ZDHHC8: variants seen among roughly 807,000 people sequenced by gnomAD.
The protein encoded by ZDHHC8 is palmitoyltransferase ZDHHC8.
Under a neutral mutation model 61.2 loss-of-function variants are expected in ZDHHC8, and 24 were observed. That is an observed-to-expected ratio of 0.39 (90% CI 0.28 to 0.55). ZDHHC8 has a LOEUF of 0.55. Ranked by LOEUF, ZDHHC8 falls within the 20% of genes least tolerant of loss-of-function variation. The pLI, the probability that ZDHHC8 is intolerant of heterozygous loss-of-function variation, is 0.60. For synonymous variants in ZDHHC8, 523 were observed against 492.5 expected, an observed-to-expected ratio of 1.06 and a Z score of -0.82; for missense variants, 935 against 1,102.1, an observed-to-expected ratio of 0.85 and a Z score of 2.15.
In ZDHHC8 at chr22:20,146,419, A is replaced by G. The variant is rs542390168; in HGVS notation, c.*1019A>G. 6 of 983,922 alleles carry G rather than the reference A, an allele frequency of 6.1e-6. No individual in the cohort carries two copies. Among genetic ancestry groups the G allele is most frequent in the Non-Finnish European group, 7.2e-6 (6 of 828,510 alleles). The allele number at this position is 983,922 out of a possible 1,614,324, so 60.9% of individuals were successfully genotyped here. A position where few individuals can be genotyped will look rare whatever the true frequency, so the allele number is the denominator to read the frequency against. ...TTTATGTTTTTATATCTACATCTAT[A>G]TATCTATAATTTTATTAAAAAAAAG... On this transcript the variant is annotated 3_prime_UTR_variant, in exon 11 of 11. Transcript: ENST00000334554.
At chr22:20,138,212 A>G (rs1386123941) in intron 1 of ZDHHC8, among the ~76,000 whole-genome samples, 2 of 152,198 alleles carry the variant, frequency 1.3e-5, no homozygotes, top group Non-Finnish European at 2.9e-5. Flanking sequence ...GATCCCCACT[A>G]GCCCCCCGAC....
intron 1 of ZDHHC8, 123 bp from the exon 2 acceptor site, chr22:20,139,071 T>C: frequency 7.1e-7 from 1 of 1,407,326 alleles, no homozygotes; most frequent in Non-Finnish European, 9.5e-7. Flanking sequence ...TGTGGCAGCC[T>C]CCCCACTGCC....
At chr22:20,138,783 C>A (rs1387527572) in intron 1 of ZDHHC8, among the ~76,000 whole-genome samples, 1 of 152,156 alleles carries the variant, frequency 6.6e-6, no homozygotes, top group Non-Finnish European at 1.5e-5. Flanking sequence ...GGTGAGAGGC[C>A]CCACTGGGCC....
At chr22:20,132,728 C>T (rs994126027) in intron 1 of ZDHHC8, among the ~76,000 whole-genome samples, 1 of 152,224 alleles carries the variant, frequency 6.6e-6, no homozygotes, top group South Asian at 2.1e-4. Context: ...AGTGAGAGCC[C>T]GCGCCTGCAG....
At chr22:20,132,129 C>A in intron 1 of ZDHHC8, 78 bp downstream of exon 1, 1 of 963,604 alleles carries the variant, frequency 1.0e-6, no homozygotes, top group South Asian at 4.8e-5. Flanking sequence ...GGGCAGCGGT[C>A]GCGGGGGCTG....
rs1247187470 is a variant in ZDHHC8 at position 20,143,079 on chromosome 22, C to T, written c.1449C>T (p.Leu483=). The T allele has an allele frequency of 6.2e-7, 1 of 1,612,498 alleles. No individual in the cohort carries two copies. The highest frequency in any genetic ancestry group is 8.5e-7 in the Non-Finnish European group (1 of 1,179,860). ...GCAGCCTGTCCTATGACAGCCTGCTCAATCCTGGCTCGCCTGGTGGCCACG... is the reference window on the plus strand; with the variant it reads ...GCAGCCTGTCCTATGACAGCCTGCTTAATCCTGGCTCGCCTGGTGGCCACG... ...RNGSLSYDSL[L]NPGSPGGHAC... The change falls in exon 10 of 11, where the codon CTC becomes CTT. Residue 483 remains leucine, a synonymous_variant. Transcript: ENST00000334554.
At chr22:20,134,610 C>T (rs2050405124) in intron 1 of ZDHHC8, among the ~76,000 whole-genome samples, 1 of 152,224 alleles carries the variant, frequency 6.6e-6, no homozygotes, top group Non-Finnish European at 1.5e-5. Flanking sequence ...CGGACGTTAC[C>T]AGACAGTGAG....
Position 20,146,183 on chromosome 22 carries a change from G to A in ZDHHC8, c.*783G>A. ...AGGCACGGGGGTGATGCTGCCACAGGGGGCTGGTGACACCCAGAGCCCCCT... is the reference window on the plus strand; with the variant it reads ...AGGCACGGGGGTGATGCTGCCACAGAGGGCTGGTGACACCCAGAGCCCCCT... On this transcript the variant is annotated 3_prime_UTR_variant, in exon 11 of 11. Coordinates refer to ENST00000334554, the MANE Select transcript of ZDHHC8 (RefSeq NM_013373.4). 1.0e-6 allele frequency: 1 copy of A among 985,622 alleles called. No individual in the cohort carries two copies. The highest frequency in any genetic ancestry group is 1.7e-5 in the African/African-American group (1 of 57,346). 61.1% of individuals were successfully genotyped at this position (985,622 alleles called of 1,614,324 possible).
Position 20,147,009 on chromosome 22 carries a change from C to T in ZDHHC8, c.*1609C>T, listed in dbSNP as rs868374662. The T allele has an allele frequency of 1.5e-5, 21 of 1,401,052 alleles. No homozygotes were observed. The Middle Eastern group carries it at 1.5e-3, about 101-fold the overall frequency. 86.8% of individuals were successfully genotyped at this position (1,401,052 alleles called of 1,614,324 possible). On this transcript the variant is annotated 3_prime_UTR_variant, in exon 11 of 11. Coordinates refer to ENST00000334554, the MANE Select transcript of ZDHHC8 (RefSeq NM_013373.4). ...CTTTCTGCTTCTCTCTCACGGACGC[C>T]GCGGCCCGCAGGGGGCGGATTGGCA...
At chr22:20,132,228 G>C (rs991675894) in intron 1 of ZDHHC8, among the ~76,000 whole-genome samples, 177 bp downstream of exon 1, 2 of 152,154 alleles carry the variant, frequency 1.3e-5, no homozygotes, top group Non-Finnish European at 2.9e-5. Flanking sequence ...AGTTGAAGCG[G>C]TGTGCCGGCG....
chr22:20,139,392 T>A (rs1358768907), intron 2 of ZDHHC8, 77 bp downstream of exon 2: 1 of 1,602,602 alleles, frequency 6.2e-7, no homozygotes, highest in Admixed American at 1.7e-5. Context: ...CCTTAGGGAT[T>A]CCTGGTGGGT....
At chr22:20,139,375 G>C in intron 2 of ZDHHC8, 60 bp downstream of exon 2, 1 of 1,605,624 alleles carries the variant, frequency 6.2e-7, no homozygotes, top group Non-Finnish European at 8.5e-7. Context: ...TGGCTAACTT[G>C]AGACAGCCTT....
At chr22:20,142,268 C>T (rs541585041) in intron 9 of ZDHHC8, among the ~76,000 whole-genome samples, 1 of 152,300 alleles carries the variant, frequency 6.6e-6, no homozygotes, top group African/African-American at 2.4e-5. Flanking sequence ...AGGAGGCATC[C>T]CTGTTTGGAG....
At chr22:20,141,641 TC>T in intron 9 of ZDHHC8, 111 bp downstream of exon 9, 1 of 912,978 alleles carries the variant, frequency 1.1e-6, no homozygotes, top group South Asian at 1.7e-5. Context: ...GCCCCATCTC[TC>T]CAGCAGAGGC....
intron 1 of ZDHHC8, among the ~76,000 whole-genome samples, chr22:20,137,164 C>A (rs571685356): frequency 6.6e-6 from 1 of 152,366 alleles, no homozygotes; most frequent in South Asian, 2.1e-4. Context: ...CCGCACTGGG[C>A]AGGAGGGACC....
rs557250615 is a variant in ZDHHC8 at position 20,143,205 on chromosome 22, C to A, written c.1575C>A (p.Phe525Leu). The A allele has an allele frequency of 3.0e-5, 48 of 1,608,794 alleles. No individual in the cohort carries two copies. In the South Asian group the frequency reaches 5.2e-4, roughly 17 times the overall value. The change falls in exon 10 of 11, where the codon TTC becomes TTA. Residue 525 changes from phenylalanine (F) to leucine (L), a missense_variant. Around this residue, in one of 3 missense-constraint regions of ZDHHC8, gnomAD observed 692 missense variants for 731.4 expected, o/e 0.95. Transcript: ENST00000334554. ...CGCCACGGCCCCTACCCCGCAGCTT[C>A]AGCCCCGTGCTGGGCCCCCGCCCCC... ...GDPPRPLPRS[F>L]SPVLGPRPRE...
chr22:20,138,207 C>T (rs2050437879), intron 1 of ZDHHC8, among the ~76,000 whole-genome samples: 1 of 152,220 alleles, frequency 6.6e-6, no homozygotes, highest in Non-Finnish European at 1.5e-5. Context: ...TGGGGGATCC[C>T]CACTAGCCCC....
chr22:20,132,370 G>A (rs1467138899), intron 1 of ZDHHC8, among the ~76,000 whole-genome samples: 3 of 152,236 alleles, frequency 2.0e-5, no homozygotes, highest in Admixed American at 2.0e-4. Flanking sequence ...CCTGGGTGTG[G>A]CTGCAGCCCT....
At chr22:20,133,928 T>C (rs2050399475) in intron 1 of ZDHHC8, among the ~76,000 whole-genome samples, 2 of 152,150 alleles carry the variant, frequency 1.3e-5, no homozygotes, top group South Asian at 4.1e-4. Context: ...AGAGGGCCCT[T>C]TACGTGACTC....
Sources: gnomAD v4.1 joint callset for allele counts (sites outside exome capture counted in the v4.1 genomes callset) on GRCh38, gnomAD v4.1.1 for gene constraint, gnomAD v4.1.1 regional missense constraint, MANE v1.5 for transcripts, NCBI Gene and HGNC (gene_info 2026-07-23, HGNC 2026-07-21) for gene names.